Variants in MAP1B observed in about 807,000 individuals in gnomAD.
MAP1B encodes microtubule-associated protein 1B.
MAP1B carries 12 observed loss-of-function variants against 176.1 expected under a neutral mutation model. That is an observed-to-expected ratio of 0.07 (90% confidence interval 0.04 to 0.11). MAP1B has a LOEUF of 0.11. Ranked by LOEUF, MAP1B falls within the 10% of genes least tolerant of loss-of-function variation. The probability of loss-of-function intolerance (pLI) is 1.00; values close to 1 mark genes in which losing one functional copy is unlikely to be tolerated. For synonymous variants in MAP1B, 1,044 were observed against 1,135.0 expected, an observed-to-expected ratio of 0.92 and a Z score of 1.61; for missense variants, 2,523 against 2,990.5, an observed-to-expected ratio of 0.84 and a Z score of 3.65.
intron 2 of MAP1B, among the ~76,000 whole-genome samples, chr5:72,174,419 C>T (rs1404793239): frequency 6.6e-6 from 1 of 152,210 alleles, no homozygotes; most frequent in African/African-American, 2.4e-5. Flanking sequence ...ATAGGAAATG[C>T]CTATGACAGG....
intron 2 of MAP1B, among the ~76,000 whole-genome samples, chr5:72,119,664 C>T (rs1336796822): frequency 6.6e-6 from 1 of 152,116 alleles, no homozygotes; most frequent in Non-Finnish European, 1.5e-5. Context: ...TGCACCATCA[C>T]ACCTAGGTAA....
Position 72,198,858 on chromosome 5 carries a change from T to C in MAP1B, c.5503T>C (p.Ser1835Pro), listed in dbSNP as rs1049769164. The change falls in exon 5 of 7, where the codon TCA becomes CCA. Residue 1835 changes from serine (S) to proline (P), a missense_variant. By Grantham distance (74) the Ser-to-Pro change is moderately conservative (BLOSUM62 -1). Around this residue, in one of 4 missense-constraint regions of MAP1B, gnomAD observed 1,925 missense variants for 2,126.0 expected, o/e 0.91. Transcript: ENST00000296755. ...CGCAGAGCCCTATGGCTTCCGTGCC[T>C]CAGTGTTATTCGATACAATGCAACA... is the stretch of plus-strand genomic sequence containing the variant. Reference protein sequence around the residue: ...ASAEPYGFRASVLFDTMQHHL... With the variant: ...ASAEPYGFRAPVLFDTMQHHL... The C allele has an allele frequency of 1.2e-6, 2 of 1,614,064 alleles. No homozygotes were observed. Among genetic ancestry groups the C allele is most frequent in the Admixed American group, 1.7e-5 (1 of 60,010 alleles).
chr5:72,182,917 G>T (rs1324735294), intron 2 of MAP1B, among the ~76,000 whole-genome samples: 1 of 152,180 alleles, frequency 6.6e-6, no homozygotes, highest in African/African-American at 2.4e-5. Flanking sequence ...TGTCCAGGGA[G>T]GGGGAGTCTT....
At chr5:72,171,109 G>A (rs1165332855) in intron 2 of MAP1B, among the ~76,000 whole-genome samples, 1 of 152,156 alleles carries the variant, frequency 6.6e-6, no homozygotes, top group African/African-American at 2.4e-5. Flanking sequence ...AAAGTGAAAG[G>A]GGGAAAAGAC....
chr5:72,116,784 T>C (rs1360676122), intron 2 of MAP1B, among the ~76,000 whole-genome samples: 1 of 152,200 alleles, frequency 6.6e-6, no homozygotes, highest in Non-Finnish European at 1.5e-5. Context: ...TATGCTTTTG[T>C]TATATGATTC....
At chr5:72,178,985 G>T (rs1474436489) in intron 2 of MAP1B, among the ~76,000 whole-genome samples, 2 of 152,132 alleles carry the variant, frequency 1.3e-5, no homozygotes, top group Non-Finnish European at 2.9e-5. Flanking sequence ...GCCAAAAAAT[G>T]CAGGCTTCCT....
intron 2 of MAP1B, among the ~76,000 whole-genome samples, chr5:72,136,807 A>G (rs1370627801): frequency 6.6e-6 from 1 of 152,200 alleles, no homozygotes. Context: ...TACAAGGAAA[A>G]TATTGTCCAG....
In MAP1B at chr5:72,179,536, G is replaced by A. The variant is rs1051567867; in HGVS notation, c.287-4207G>A. The A allele has an allele frequency of 3.0e-5, 24 of 799,632 alleles. 1 individual carries two copies. The highest frequency in any genetic ancestry group is 5.7e-5 in the South Asian group (1 of 17,602). 49.5% of individuals were successfully genotyped at this position (799,632 alleles called of 1,614,324 possible). On this transcript the variant is annotated intron_variant, in intron 2 of 6. Coordinates refer to ENST00000296755, the MANE Select transcript of MAP1B (RefSeq NM_005909.5). ...CTTTGTGAGCATCCCAGCCGCCTGC[G>A]CTGAGAACCCGCCCGCCTGCCGCAG...
rs896042377 is a variant in MAP1B, at chr5:72,207,988, T to A, written c.*2749T>A. ...TTTTTTTTTTTTTTTTTTTTTGCTA[T>A]GGGATTTAATGGGAAAAATATGTAA... On this transcript the variant is annotated 3_prime_UTR_variant, in exon 7 of 7. Transcript: ENST00000296755. 1.4e-5 allele frequency: 2 copies of A among 145,470 alleles called. No homozygotes were observed. Among genetic ancestry groups the A allele is most frequent in the South Asian group, 2.2e-4 (1 of 4,488 alleles). 9.0% of individuals were successfully genotyped at this position (145,470 alleles called of 1,614,324 possible). A position where few individuals can be genotyped will look rare whatever the true frequency, so the allele number is the denominator to read the frequency against.
intron 2 of MAP1B, among the ~76,000 whole-genome samples, chr5:72,144,374 C>T (rs10044978): frequency 0.061 from 9,327 of 152,070 alleles, 409 homozygotes; most frequent in Middle Eastern, 0.1. Context: ...GGCTTTCCCT[C>T]GCTCTACCTT....
At chr5:72,122,290 C>T (rs925627024) in intron 2 of MAP1B, among the ~76,000 whole-genome samples, 4 of 152,054 alleles carry the variant, frequency 2.6e-5, no homozygotes, top group Non-Finnish European at 5.9e-5. Context: ...GCTCTCACCC[C>T]AGTGCTCCCA....
At chr5:72,115,618 AAAT>A (rs1221112841) in intron 1 of MAP1B, 77 bp from the exon 2 acceptor site, 2 of 834,044 alleles carry the variant, frequency 2.4e-6, no homozygotes, top group African/African-American at 1.7e-5. Flanking sequence ...AAAGCCTGAG[AAAT>A]ATTACAGTGA....
At chr5:72,122,721 A>G (rs963138229) in intron 2 of MAP1B, among the ~76,000 whole-genome samples, 9 of 150,954 alleles carry the variant, frequency 6.0e-5, no homozygotes, top group Admixed American at 4.6e-4. Flanking sequence ...CCTAATGGGC[A>G]CTGTGGAACC....
At chr5:72,126,975 T>C (rs961811810) in intron 2 of MAP1B, among the ~76,000 whole-genome samples, 1 of 152,260 alleles carries the variant, frequency 6.6e-6, no homozygotes, top group Non-Finnish European at 1.5e-5. Context: ...CAGTGCCAAA[T>C]AGGAAATAGC....
At chr5:72,129,307 G>C (rs1262456127) in intron 2 of MAP1B, among the ~76,000 whole-genome samples, 3 of 152,202 alleles carry the variant, frequency 2.0e-5, no homozygotes. Flanking sequence ...TGTAATCCCA[G>C]CACTTTGGGA....
At chr5:72,157,531 GCCATGGGCTTCCCCACCCTC>G (rs1306423095) in intron 2 of MAP1B, among the ~76,000 whole-genome samples, 2 of 152,226 alleles carry the variant, frequency 1.3e-5, no homozygotes, top group African/African-American at 4.8e-5. Context: ...GGGACAGGGA[GCCATGGGCTTCCCCACCCTC>G]CCTGGGGACT....
At chr5:72,179,635 G>A (rs1746724886) in intron 2 of MAP1B, 1 of 985,500 alleles carries the variant, frequency 1.0e-6, no homozygotes, top group Non-Finnish European at 1.2e-6. Context: ...GCCAGATGCT[G>A]GGGCGGCCCA....
At chr5:72,121,484 G>C (rs1347883427) in intron 2 of MAP1B, among the ~76,000 whole-genome samples, 1 of 152,158 alleles carries the variant, frequency 6.6e-6, no homozygotes, top group East Asian at 1.9e-4. Flanking sequence ...CTTTTTCCTA[G>C]AAGATAAACG....
chr5:72,109,338 A>G (rs1376216723), intron 1 of MAP1B, among the ~76,000 whole-genome samples: 1 of 152,182 alleles, frequency 6.6e-6, no homozygotes. Flanking sequence ...TTATTTGAGC[A>G]TCTCAATAAC....
Sources: gnomAD v4.1 joint callset for allele counts (sites outside exome capture counted in the v4.1 genomes callset) on GRCh38, gnomAD v4.1.1 for gene constraint, gnomAD v4.1.1 regional missense constraint, MANE v1.5 for transcripts, NCBI Gene and HGNC (gene_info 2026-07-23, HGNC 2026-07-21) for gene names.